TSPAN4: variants seen among roughly 807,000 people sequenced by gnomAD.
TSPAN4 encodes tetraspanin 4.
In TSPAN4, 38 loss-of-function variants were observed where a neutral mutation model predicts 31.5. That is an observed-to-expected ratio of 1.21 (90% CI 0.93 to 1.58). TSPAN4 has a LOEUF of 1.58. Ranked by LOEUF, TSPAN4 falls within the 40% of genes most tolerant of loss-of-function variation. The probability of loss-of-function intolerance (pLI) is 0.00; values close to 1 mark genes in which losing one functional copy is unlikely to be tolerated. For synonymous variants in TSPAN4, 186 were observed against 144.6 expected, an observed-to-expected ratio of 1.29 and a Z score of -2.06; for missense variants, 330 against 317.3, an observed-to-expected ratio of 1.04 and a Z score of -0.30.
In TSPAN4 at chr11:848,164, C is replaced by T. The variant is rs1847425464; in HGVS notation, c.-18+864C>T. Among the ~76,000 whole-genome samples the T allele has an allele frequency of 6.6e-6, 1 of 152,226 alleles. No individual in the cohort carries two copies. The highest frequency in any genetic ancestry group is 1.5e-5 in the Non-Finnish European group (1 of 68,030). ...CCAGGGGAAGGGGGCCGGGCGCCAT[C>T]TGCTCTCTGGGCAGAGCTGCGGGTG... is the stretch of plus-strand genomic sequence containing the variant. On this transcript the variant is annotated intron_variant, in intron 2 of 8. Transcript: ENST00000397397. This position sits in a 1 kb window ranked among gnomAD's most constrained non-coding sequence, Gnocchi z 5.7.
Position 866,927 on chromosome 11 carries a change from A to C in TSPAN4, c.*297A>C. ...ACGTATTCTCCAAAGCAGTGTTCAC[A>C]CGGGAGCCAGCCTGTGGCCCCCAGC... is the stretch of plus-strand genomic sequence containing the variant. On this transcript the variant is annotated 3_prime_UTR_variant, in exon 9 of 9. Transcript: ENST00000397397. 1 of 290,696 alleles carries C rather than the reference A, an allele frequency of 3.4e-6. No homozygotes were observed. Among genetic ancestry groups the C allele is most frequent in the Non-Finnish European group, 6.5e-6 (1 of 154,930 alleles). The allele number at this position is 290,696 out of a possible 1,614,324, so 18.0% of individuals were successfully genotyped here.
rs535155860 is a variant in TSPAN4 at position 865,532 on chromosome 11, A to G, written c.350A>G (p.Gln117Arg). 828 of 1,611,804 alleles carry G rather than the reference A, an allele frequency of 5.1e-4. 9 individuals are homozygous for G. The South Asian group carries it at 8.5e-3, about 17-fold the overall frequency. ...YTDKIDRYAQ[Q>R]DLKKGLHLYG... ...CCCCAGATTGACAGGTATGCCCAGC[A>G]AGACCTGAAGAAAGGCTTGCACCTG... is the stretch of plus-strand genomic sequence containing the variant. Residue 117 changes from glutamine to arginine, a missense_variant, in exon 6 of 9, where the codon CAA (glutamine) becomes CGA (arginine). By Grantham distance (43) the Gln-to-Arg change is conservative (BLOSUM62 1). Transcript: ENST00000397397.
intron 2 of TSPAN4, chr11:849,805 G>A (rs970400428): frequency 6.8e-6 from 1 of 146,666 alleles, no homozygotes; most frequent in Non-Finnish European, 1.5e-5. Flanking sequence ...GAGGGCGCGG[G>A]GCGGGGCGCG....
At chr11:843,125 C>T (rs1340052101) in intron 1 of TSPAN4, 2 of 152,002 alleles carry the variant, frequency 1.3e-5, no homozygotes, top group Admixed American at 6.5e-5. Context: ...CTGGCCGCGC[C>T]GAGTAGTGGG....
intron 1 of TSPAN4, among the ~76,000 whole-genome samples, chr11:845,403 T>TCCTGGGA (rs1847260668): frequency 6.6e-6 from 1 of 151,942 alleles, no homozygotes; most frequent in Non-Finnish European, 1.5e-5. Flanking sequence ...CTCTCTACGG[T>TCCTGGGA]CCTGGGAGAC....
chr11:855,326 C>T (rs995309113), intron 3 of TSPAN4, among the ~76,000 whole-genome samples: 24 of 152,208 alleles, frequency 1.6e-4, no homozygotes, highest in African/African-American at 5.8e-4. Context: ...CTTCCAGCCG[C>T]GCTTGTGCGA....
chr11:853,880 C>T (rs1565135415), intron 3 of TSPAN4, among the ~76,000 whole-genome samples: 1 of 152,216 alleles, frequency 6.6e-6, no homozygotes, highest in Non-Finnish European at 1.5e-5. Context: ...CTGGGAGCCT[C>T]ATTCCGGGGG....
intron 3 of TSPAN4, among the ~76,000 whole-genome samples, chr11:861,865 G>A (rs1182946688): frequency 6.6e-6 from 1 of 152,246 alleles, no homozygotes; most frequent in African/African-American, 2.4e-5. Flanking sequence ...GGAGGTTGCA[G>A]TGAGCCCAGA....
At position 862,958 on chromosome 11, in the gene TSPAN4, C is replaced by T. The variant is rs947578911; in HGVS notation, c.255+217C>T. On this transcript the variant is annotated intron_variant, in intron 4 of 8. Transcript: ENST00000397397. ...GTGATTTGCAGAGCGGTGTGGGGGT[C>T]ACTCAAGAGAACGTGCTGTACCTTG... 1.0e-4 allele frequency: 58 copies of T among 569,898 alleles called. No homozygotes were observed. In the Middle Eastern group the frequency reaches 1.4e-3, roughly 14 times the overall value. The allele number at this position is 569,898 out of a possible 1,614,324, so 35.3% of individuals were successfully genotyped here.
intron 1 of TSPAN4, among the ~76,000 whole-genome samples, chr11:844,798 C>G (rs1037872195): frequency 7.2e-5 from 11 of 151,918 alleles, no homozygotes; most frequent in Non-Finnish European, 1.5e-4. Flanking sequence ...GGGCAGGGCA[C>G]AGGGAGCAGA....
chr11:865,278 C>A, intron 5 of TSPAN4: 3 of 569,546 alleles, frequency 5.3e-6, no homozygotes, highest in Non-Finnish European at 9.5e-6. Context: ...CTCTGTCCCC[C>A]CAGGACCCAT....
At chr11:866,044 A>G (rs28457111) in intron 8 of TSPAN4, 43 bp downstream of exon 8, 1,599,377 of 1,601,746 alleles carry the variant, frequency 1, 798,535 homozygotes, top group East Asian at 1. Context: ...CCACTTTGTT[A>G]GGACCTTCTG....
chr11:866,682 G>T lies in TSPAN4; in HGVS notation c.*52G>T. 6.5e-7 allele frequency: 1 copy of T among 1,531,302 alleles called. No homozygotes were observed. 94.9% of individuals were successfully genotyped at this position (1,531,302 alleles called of 1,614,324 possible). On this transcript the variant is annotated 3_prime_UTR_variant, in exon 9 of 9. Coordinates refer to ENST00000397397, the MANE Select transcript of TSPAN4 (RefSeq NM_003271.5). ...AAAGGACGCCCACGGGGAGATGGCCGCACCCACAGCTGCCTTTCCCACCAC... is the reference window on the plus strand; with the variant it reads ...AAAGGACGCCCACGGGGAGATGGCCTCACCCACAGCTGCCTTTCCCACCAC...
Position 853,874 on chromosome 11 carries a change from G to A in TSPAN4, c.63+3507G>A, listed in dbSNP as rs533185036. Among the ~76,000 whole-genome samples the A allele has an allele frequency of 9.2e-5, 14 of 152,336 alleles. No individual in the cohort carries two copies. In the East Asian group the frequency reaches 2.7e-3, roughly 29 times the overall value. The stretch of plus-strand genomic sequence containing the variant: ...GTGGTGGGGCCGGGGTGTCTCCTGG[G>A]AGCCTCATTCCGGGGGAGGCTGGGT... On this transcript the variant is annotated intron_variant, in intron 3 of 8. Transcript: ENST00000397397.
chr11:851,560 G>A (rs1291330630), intron 3 of TSPAN4, among the ~76,000 whole-genome samples: 1 of 152,090 alleles, frequency 6.6e-6, no homozygotes, highest in African/African-American at 2.4e-5. Flanking sequence ...GTTGCCTGCT[G>A]AGTGTGACCC....
intron 6 of TSPAN4, 26 bp downstream of exon 6, chr11:865,640 T>A (rs375815487): frequency 2.7e-5 from 44 of 1,611,764 alleles, no homozygotes; most frequent in Non-Finnish European, 3.7e-5. Context: ...GTGGGCGGGG[T>A]CGGCGGGTGC....
intron 4 of TSPAN4, 108 bp downstream of exon 4, chr11:862,849 C>G: frequency 3.3e-6 from 4 of 1,217,936 alleles, no homozygotes; most frequent in South Asian, 1.6e-5. Context: ...TGGGCACCAC[C>G]TCTGGGGCCG....
chr11:865,475 A>T (rs766235314), intron 5 of TSPAN4, 38 bp from the exon 6 acceptor site: 5 of 1,544,774 alleles, frequency 3.2e-6, no homozygotes, highest in Non-Finnish European at 4.5e-6. Context: ...GGCGGGGTAC[A>T]GTGGGAGGGG....
rs749881965 is a variant in TSPAN4, at chr11:864,847, G to A, written c.330+336G>A. ...ACCGTGGGGTTCTCCTCTGTAGAGC[G>A]GCCTCTTCTTGGTCACTCACTCATA... On this transcript the variant is annotated intron_variant, in intron 5 of 8. Coordinates refer to ENST00000397397, the MANE Select transcript of TSPAN4 (RefSeq NM_003271.5). The A allele has an allele frequency of 6.3e-5, 25 of 397,816 alleles. 1 individual carries two copies. The highest frequency in any genetic ancestry group is 3.0e-4 in the East Asian group (7 of 23,204). 24.6% of individuals were successfully genotyped at this position (397,816 alleles called of 1,614,324 possible). A position where few individuals can be genotyped will look rare whatever the true frequency, so the allele number is the denominator to read the frequency against.
Sources: gnomAD v4.1 joint callset for allele counts (sites outside exome capture counted in the v4.1 genomes callset) on GRCh38, gnomAD v4.1.1 for gene constraint, Gnocchi (gnomAD v3.1) non-coding constraint, MANE v1.5 for transcripts, NCBI Gene and HGNC (gene_info 2026-07-23, HGNC 2026-07-21) for gene names.